CELSR1: variants seen among roughly 807,000 people sequenced by gnomAD.
CELSR1 encodes adhesion G protein-coupled receptor C1.
Under a neutral mutation model 249.1 loss-of-function variants are expected in CELSR1, and 110 were observed. That is an observed-to-expected ratio of 0.44 (90% CI 0.38 to 0.52). The LOEUF is 0.52. Ranked by LOEUF, CELSR1 falls within the 20% of genes least tolerant of loss-of-function variation. CELSR1 has a pLI of 0.00. For synonymous variants in CELSR1, 2,113 were observed against 1,900.0 expected (o/e 1.11, Z -2.92); for missense variants, 4,109 against 4,296.4 (o/e 0.96, Z 1.22).
In CELSR1 at chr22:46,365,620, C is replaced by T. The variant is rs757230082; in HGVS notation, c.8370G>A (p.Ala2790=). The part of the protein sequence containing the change: ...LVRGSHGEPD[A]SLMPRSCKDP... ...CCTTGCAGCTCCTGGGCATGAGGGA[C>T]GCGTCTGGCTCTCCGTGGCTGCCCC... Residue 2790 remains alanine (A), a synonymous_variant, in exon 31 of 35, where the codon GCG becomes GCA. Coordinates refer to ENST00000674500, the MANE Select transcript of CELSR1 (RefSeq NM_001378328.1). 3.7e-5 allele frequency: 59 copies of T among 1,594,232 alleles called. No individual in the cohort carries two copies. In the Middle Eastern group the frequency reaches 9.9e-4, roughly 27 times the overall value.
intron 24 of CELSR1, among the ~76,000 whole-genome samples, chr22:46,373,522 GGGCAGCTTCGTGCCCAGTGCTCTGGGAGA>G (rs1569111183): frequency 6.6e-6 from 1 of 151,226 alleles, no homozygotes; most frequent in African/African-American, 2.4e-5. Context: ...GCTCTGGGAG[GGGCAGCTTCGTGCCCAGTGCTCTGGGAGA>G]GGCTGCCCCA....
At chr22:46,479,372 G>A (rs1034599384) in intron 1 of CELSR1, among the ~76,000 whole-genome samples, 8 of 152,034 alleles carry the variant, frequency 5.3e-5, no homozygotes, top group East Asian at 1.9e-4. Flanking sequence ...GAAAGGCTGC[G>A]GCAGCTGCCA....
chr22:46,455,068 G>A (rs575043123), intron 2 of CELSR1, among the ~76,000 whole-genome samples: 18 of 152,170 alleles, frequency 1.2e-4, no homozygotes, highest in Non-Finnish European at 5.9e-5. Context: ...AGACGGAGGC[G>A]GAGACTGCAG....
chr22:46,528,381 T>C (rs2147809124), intron 1 of CELSR1, among the ~76,000 whole-genome samples: 1 of 152,300 alleles, frequency 6.6e-6, no homozygotes. Context: ...TTTTCTGACA[T>C]GCCTGAATGA....
At chr22:46,470,173 C>T (rs2080142025) in intron 1 of CELSR1, among the ~76,000 whole-genome samples, 2 of 150,286 alleles carry the variant, frequency 1.3e-5, no homozygotes, top group Admixed American at 6.6e-5. Context: ...TTTACTTCCT[C>T]GTGGCAGTTG....
rs1390318324 is a variant in CELSR1 at position 46,361,437 on chromosome 22, C to A, written c.*1786G>T. 4 of 152,024 alleles carry A rather than the reference C, an allele frequency of 2.6e-5. No homozygotes were observed. Among genetic ancestry groups the A allele is most frequent in the Non-Finnish European group, 5.9e-5 (4 of 68,036 alleles). 9.4% of individuals were successfully genotyped at this position (152,024 alleles called of 1,614,324 possible). A position where few individuals can be genotyped will look rare whatever the true frequency, so the allele number is the denominator to read the frequency against. On this transcript the variant is annotated 3_prime_UTR_variant, in exon 35 of 35. Coordinates refer to ENST00000674500, the MANE Select transcript of CELSR1 (RefSeq NM_001378328.1). ...GGAAAAAAATAGAACAAAAAAATTA[C>A]ACCTCAGGGGGCAGAATCCTGTTAA...
In CELSR1 at chr22:46,403,392, C is replaced by CAAAAA. The variant is rs61497637; in HGVS notation, c.5227-3495_5227-3491dup. 6.9e-5 allele frequency among the ~76,000 whole-genome samples: 8 copies of CAAAAA among 116,226 alleles called. No individual in the cohort carries two copies. In the South Asian group the frequency reaches 1.4e-3, roughly 21 times the overall value. 76.2% of individuals were successfully genotyped at this position (116,226 alleles called of 152,430 possible). A position where few individuals can be genotyped will look rare whatever the true frequency, so the allele number is the denominator to read the frequency against. On this transcript the variant is annotated intron_variant, in intron 9 of 34. Coordinates refer to ENST00000674500, the MANE Select transcript of CELSR1 (RefSeq NM_001378328.1). ...TGAAACCCCGTGTCTACTAAAAATA[C>CAAAAA]AAAAAAAAAAAAAAAATAGCCAGGC...
At chr22:46,508,300 C>T (rs903470453) in intron 1 of CELSR1, among the ~76,000 whole-genome samples, 9 of 97,406 alleles carry the variant, frequency 9.2e-5, no homozygotes, top group East Asian at 3.2e-4. Flanking sequence ...AGCAGGTGTG[C>T]GGGAGGATTT....
rs1233644098 is a variant in CELSR1 at position 46,437,530 on chromosome 22, T to C, written c.4407-1241A>G. Among the ~76,000 whole-genome samples the C allele has an allele frequency of 6.6e-6, 1 of 152,008 alleles. No individual in the cohort carries two copies. Among genetic ancestry groups the C allele is most frequent in the African/African-American group, 2.4e-5 (1 of 41,386 alleles). Reference sequence around the variant, plus strand: ...CAGCACTTTGGGAGGCCGAGGTGGGTGGATCACCTGAGGTCAGGTTGACCA... The same window carrying C: ...CAGCACTTTGGGAGGCCGAGGTGGGCGGATCACCTGAGGTCAGGTTGACCA... On this transcript the variant is annotated intron_variant, in intron 3 of 34. Transcript: ENST00000674500. This position sits in a 1 kb window ranked among gnomAD's most constrained non-coding sequence, Gnocchi z 4.9.
chr22:46,407,036 G>T lies in CELSR1; in HGVS notation c.5226+1960C>A, dbSNP rs772037854. On this transcript the variant is annotated intron_variant, in intron 9 of 34. Transcript: ENST00000674500. The surrounding 1 kb of genome is among the most constrained non-coding windows in gnomAD (Gnocchi z 4.8). ...GGGGGTCATCCTGGGAGAACAGGGT[G>T]AGTGTTCCCGTGTGGCCGACCCCAA... 1.3e-5 allele frequency among the ~76,000 whole-genome samples: 2 copies of T among 152,334 alleles called. No homozygotes were observed. The highest frequency in any genetic ancestry group is 3.9e-4 in the East Asian group (2 of 5,174).
intron 1 of CELSR1, among the ~76,000 whole-genome samples, chr22:46,533,317 C>T (rs559093247): frequency 4.6e-5 from 7 of 152,342 alleles, no homozygotes; most frequent in African/African-American, 1.7e-4. Flanking sequence ...CTGGAGGCCA[C>T]TTTTTAATAG....
Position 46,434,578 on chromosome 22 carries a change from T to C in CELSR1, c.4523-1097A>G, listed in dbSNP as rs576961184. ...CTTTATTGAGTATAGAAAACAAAGC[T>C]CCATCCTCCACCATCACACACATGT... On this transcript the variant is annotated intron_variant, in intron 4 of 34. Transcript: ENST00000674500. The surrounding 1 kb of genome is among the most constrained non-coding windows in gnomAD (Gnocchi z 4.9). 1.4e-4 allele frequency among the ~76,000 whole-genome samples: 21 copies of C among 152,222 alleles called. No individual in the cohort carries two copies. The highest frequency in any genetic ancestry group is 2.9e-4 in the Non-Finnish European group (20 of 68,008).
rs1410453158 is a variant in CELSR1, at chr22:46,408,116, A to G, written c.5226+880T>C. 6.6e-6 allele frequency among the ~76,000 whole-genome samples: 1 copy of G among 152,284 alleles called. No homozygotes were observed. The highest frequency in any genetic ancestry group is 2.4e-5 in the African/African-American group (1 of 41,482). The stretch of plus-strand genomic sequence containing the variant: ...GATGCGAGCAGAAACCGTGTGGCGC[A>G]GAAAACCGGAGGAAAGAGTGCATTC... On this transcript the variant is annotated intron_variant, in intron 9 of 34. Transcript: ENST00000674500. The surrounding 1 kb of genome is among the most constrained non-coding windows in gnomAD (Gnocchi z 4.6).
In CELSR1 at chr22:46,401,149, T is replaced by G. The variant is rs1273772419; in HGVS notation, c.5227-1247A>C. On this transcript the variant is annotated intron_variant, in intron 9 of 34. Transcript: ENST00000674500. The surrounding 1 kb of genome is among the most constrained non-coding windows in gnomAD (Gnocchi z 4.7). ...ATTCAGGTAACTACTGGGCTCCTATTTTTGGATGTAAACATTATACTTTAT... is the reference window on the plus strand; with the variant it reads ...ATTCAGGTAACTACTGGGCTCCTATGTTTGGATGTAAACATTATACTTTAT... Among the ~76,000 whole-genome samples the G allele has an allele frequency of 6.6e-6, 1 of 152,154 alleles. No homozygotes were observed. The highest frequency in any genetic ancestry group is 1.5e-5 in the Non-Finnish European group (1 of 68,034).
At position 46,441,856 on chromosome 22, in the gene CELSR1, T is replaced by A. The variant is rs1190987520; in HGVS notation, c.4184-2445A>T. Among the ~76,000 whole-genome samples the A allele has an allele frequency of 1.3e-5, 2 of 152,200 alleles. No homozygotes were observed. Among genetic ancestry groups the A allele is most frequent in the Non-Finnish European group, 2.9e-5 (2 of 68,046 alleles). ...GTGAACATTAAACTTTATTATCCAT[T>A]TTTAAAAATAAAGAGATCACGGTGG... On this transcript the variant is annotated intron_variant, in intron 2 of 34. Transcript: ENST00000674500. The surrounding 1 kb of genome is among the most constrained non-coding windows in gnomAD (Gnocchi z 6.1).
chr22:46,409,335 G>A lies in CELSR1; in HGVS notation c.5060-173C>T, dbSNP rs913786320. On this transcript the variant is annotated intron_variant, in intron 8 of 34. Transcript: ENST00000674500. The surrounding 1 kb of genome is among the most constrained non-coding windows in gnomAD (Gnocchi z 9.8). ...GCATCCAGCCCTCACAGTCAGCCAC[G>A]TGGGCTCCAGAGAAGCGCACCCTGG... is the stretch of plus-strand genomic sequence containing the variant. 3.9e-5 allele frequency among the ~76,000 whole-genome samples: 6 copies of A among 152,184 alleles called. No homozygotes were observed. The highest frequency in any genetic ancestry group is 5.9e-5 in the Non-Finnish European group (4 of 68,036).
chr22:46,533,304 C>G (rs890149802), intron 1 of CELSR1, among the ~76,000 whole-genome samples: 1 of 152,244 alleles, frequency 6.6e-6, no homozygotes, highest in Admixed American at 6.5e-5. Context: ...TGACCCAGAT[C>G]ACCTGGAGGC....
rs1440250028 is a variant in CELSR1, at chr22:46,423,141, C to A, written c.4611+10252G>T. ...GCCCTCTCTGGCTGCTAGGAACCCC[C>A]TGCCACCAAGTGAACGGCCAGGGTG... On this transcript the variant is annotated intron_variant, in intron 5 of 34. Transcript: ENST00000674500. This position sits in a 1 kb window ranked among gnomAD's most constrained non-coding sequence, Gnocchi z 5.6. Among the ~76,000 whole-genome samples the A allele has an allele frequency of 6.6e-6, 1 of 152,208 alleles. No individual in the cohort carries two copies. Among genetic ancestry groups the A allele is most frequent in the Non-Finnish European group, 1.5e-5 (1 of 68,038 alleles).
At chr22:46,370,275 A>G in intron 25 of CELSR1, 2 of 380,788 alleles carry the variant, frequency 5.3e-6, no homozygotes, top group Non-Finnish European at 1.1e-5. Context: ...GAACGCATAT[A>G]CCCCCATACC....
Sources: allele counts gnomAD v4.1 joint callset (sites outside exome capture counted in the v4.1 genomes callset), GRCh38; gene constraint gnomAD v4.1.1; non-coding constraint Gnocchi (gnomAD v3.1); transcripts MANE v1.5; gene names NCBI Gene and HGNC (gene_info 2026-07-23, HGNC 2026-07-21).